Variants in ANLN observed in about 807,000 individuals in gnomAD.
ANLN encodes the protein anillin.
Under a neutral mutation model 135.1 loss-of-function variants are expected in ANLN, and 59 were observed. The observed-to-expected ratio is 0.44, with a 90% CI of 0.35 to 0.54. The LOEUF is 0.54. Ranked by LOEUF, ANLN falls within the 20% of genes least tolerant of loss-of-function variation. The pLI is 0.00. For missense variants in ANLN, 1,182 were observed against 1,340.0 expected, an observed-to-expected ratio of 0.88 and a Z score of 1.84; for synonymous variants, 406 against 456.4, an observed-to-expected ratio of 0.89 and a Z score of 1.41.
At chr7:36,410,928 A>T in intron 6 of ANLN, 131 bp from the exon 7 acceptor site, 1 of 923,706 alleles carries the variant, frequency 1.1e-6, no homozygotes, top group Non-Finnish European at 1.6e-6. Flanking sequence ...GTGTATTATG[A>T]ACTTTTTAAA....
intron 3 of ANLN, among the ~76,000 whole-genome samples, chr7:36,405,189 G>A (rs1787138049): frequency 1.3e-5 from 2 of 152,174 alleles, no homozygotes; most frequent in Admixed American, 6.5e-5. Context: ...ATGCTGTACA[G>A]GTTTTTAGCC....
chr7:36,406,615 T>C (rs766670366), intron 4 of ANLN, 49 bp downstream of exon 4: 1 of 1,462,344 alleles, frequency 6.8e-7, no homozygotes. Flanking sequence ...TTTTTCGTTA[T>C]GAGTGGTATA....
At chr7:36,451,645 A>G (rs1169833644) in intron 23 of ANLN, among the ~76,000 whole-genome samples, 2 of 152,246 alleles carry the variant, frequency 1.3e-5, no homozygotes, top group Non-Finnish European at 2.9e-5. Context: ...GGTGGCTATT[A>G]TAAGTGCAGT....
chr7:36,417,011 C>G (rs1583619724), intron 8 of ANLN, 69 bp from the exon 9 acceptor site: 2 of 807,044 alleles, frequency 2.5e-6, no homozygotes, highest in Non-Finnish European at 3.7e-6. Context: ...AAAACACACA[C>G]AAGATTCCAT....
At chr7:36,451,426 A>G (rs1191081193) in intron 23 of ANLN, among the ~76,000 whole-genome samples, 1 of 152,220 alleles carries the variant, frequency 6.6e-6, no homozygotes, top group East Asian at 1.9e-4. Flanking sequence ...TGACTCATCA[A>G]ATGTAACCAT....
chr7:36,437,991 C>CA (rs1229653733), intron 20 of ANLN, among the ~76,000 whole-genome samples: 3 of 152,112 alleles, frequency 2.0e-5, no homozygotes, highest in African/African-American at 7.2e-5. Context: ...GAAATCCCTT[C>CA]AAGGCCAGGC....
rs114862818 is a variant in ANLN at position 36,399,772 on chromosome 7, A to G, written c.487+379A>G. On this transcript the variant is annotated intron_variant, in intron 3 of 23. Coordinates refer to ENST00000265748, the MANE Select transcript of ANLN (RefSeq NM_018685.5). ...TAAACTTGAGGGACTAAGGTATGCA[A>G]TGCTGTTCAGTAGGGGAGAAATAAA... is the stretch of plus-strand genomic sequence containing the variant. Among the ~76,000 whole-genome samples, 909 of 152,326 alleles carry G rather than the reference A, an allele frequency of 6.0e-3. 9 individuals carry two copies. The highest frequency in any genetic ancestry group is 0.021 in the African/African-American group (869 of 41,574).
At chr7:36,410,826 A>G (rs1247999931) in intron 6 of ANLN, 122 bp downstream of exon 6, 1 of 1,096,230 alleles carries the variant, frequency 9.1e-7, no homozygotes, top group Non-Finnish European at 1.3e-6. Context: ...TTTCTGTATC[A>G]CTAATTTCAG....
chr7:36,442,345 C>G (rs1046970043), intron 21 of ANLN, among the ~76,000 whole-genome samples: 2 of 152,198 alleles, frequency 1.3e-5, no homozygotes, highest in East Asian at 1.9e-4. Flanking sequence ...TTTGGATCAT[C>G]TGTATCAGAG....
intron 2 of ANLN, among the ~76,000 whole-genome samples, chr7:36,397,814 G>A (rs1428798200): frequency 6.6e-6 from 1 of 152,140 alleles, no homozygotes; most frequent in Non-Finnish European, 1.5e-5. Flanking sequence ...AGGAGGCTGA[G>A]GTGGGAGGAT....
intron 5 of ANLN, 108 bp from the exon 6 acceptor site, chr7:36,410,406 T>C: frequency 2.1e-6 from 2 of 966,206 alleles, no homozygotes; most frequent in Middle Eastern, 2.3e-4. Context: ...ATATTCCTGA[T>C]AGAATCAAAG....
intron 11 of ANLN, 93 bp from the exon 12 acceptor site, chr7:36,420,504 A>G (rs1056903118): frequency 7.9e-7 from 1 of 1,271,942 alleles, no homozygotes. Context: ...TGACATGTTC[A>G]ATATCAGTGT....
At chr7:36,428,086 G>T (rs1788161297) in intron 20 of ANLN, among the ~76,000 whole-genome samples, 1 of 152,138 alleles carries the variant, frequency 6.6e-6, no homozygotes, top group African/African-American at 2.4e-5. Flanking sequence ...AGAAATATTA[G>T]TTTAGCCTGA....
chr7:36,422,508 G>C (rs1787918276), intron 13 of ANLN, 125 bp from the exon 14 acceptor site: 1 of 785,394 alleles, frequency 1.3e-6, no homozygotes, highest in African/African-American at 1.8e-5. Flanking sequence ...GTTTTATAAA[G>C]ATAGTGTTAC....
chr7:36,419,195 A>G, intron 9 of ANLN, 49 bp from the exon 10 acceptor site: 1 of 1,378,710 alleles, frequency 7.3e-7, no homozygotes, highest in Non-Finnish European at 1.0e-6. Context: ...TATGCCTTTA[A>G]TTCTTAAATA....
chr7:36,423,924 T>G lies in ANLN; in HGVS notation c.2584T>G (p.Phe862Val), dbSNP rs750625434. Residue 862 changes from phenylalanine (F) to valine (V), a missense_variant, in exon 15 of 24, where the codon TTC (phenylalanine) becomes GTC (valine). Phe to Val is a conservative substitution (Grantham distance 50). Transcript: ENST00000265748. Reference sequence around the variant, plus strand: ...CTCTCTTAACGGTGATGCTCTGACATTCACTACTACATTTACTCTGTAAGT... The same window carrying G: ...CTCTCTTAACGGTGATGCTCTGACAGTCACTACTACATTTACTCTGTAAGT... ...SNSLNGDALT[F>V]TTTFTLQDVS... The G allele has an allele frequency of 1.2e-6, 2 of 1,611,992 alleles. No homozygotes were observed. Among genetic ancestry groups the G allele is most frequent in the Non-Finnish European group, 1.7e-6 (2 of 1,178,970 alleles).
intron 23 of ANLN, among the ~76,000 whole-genome samples, chr7:36,450,741 G>A (rs1023045055): frequency 6.6e-6 from 1 of 152,138 alleles, no homozygotes; most frequent in East Asian, 1.9e-4. Flanking sequence ...AGGCAAAATG[G>A]ATTTCTAATC....
At chr7:36,434,098 T>C (rs1245024100) in intron 20 of ANLN, among the ~76,000 whole-genome samples, 1 of 152,230 alleles carries the variant, frequency 6.6e-6, no homozygotes, top group African/African-American at 2.4e-5. Context: ...CCAGATATTA[T>C]ATTATAAAAG....
chr7:36,442,173 A>G (rs1200910561), intron 21 of ANLN, among the ~76,000 whole-genome samples: 1 of 152,246 alleles, frequency 6.6e-6, no homozygotes, highest in Non-Finnish European at 1.5e-5. Context: ...AGTTGAGATA[A>G]TTTAAAAATA....
Sources: gnomAD v4.1 joint callset for allele counts (sites outside exome capture counted in the v4.1 genomes callset) on GRCh38, gnomAD v4.1.1 for gene constraint, MANE v1.5 for transcripts, NCBI Gene and HGNC (gene_info 2026-07-23, HGNC 2026-07-21) for gene names.